Variants in RASGRF1 observed in about 807,000 individuals in gnomAD.
The protein encoded by RASGRF1 is ras-specific guanine nucleotide-releasing factor 1.
RASGRF1 carries 40 observed loss-of-function variants against 138.7 expected under a neutral mutation model. The ratio of observed to expected loss-of-function variants is 0.29; its 90% confidence interval spans 0.22 to 0.38. The LOEUF (loss-of-function observed/expected upper bound fraction) is 0.38, where lower values mean the gene tolerates loss of function less well. Ranked by LOEUF, RASGRF1 falls within the 10% of genes least tolerant of loss-of-function variation. The probability of loss-of-function intolerance (pLI) is 1.00; values close to 1 mark genes in which losing one functional copy is unlikely to be tolerated. For missense variants in RASGRF1, 1,108 were observed against 1,650.4 expected (o/e 0.67, Z 5.69); for synonymous variants, 614 against 663.2 (o/e 0.93, Z 1.14).
chr15:79,017,986 G>A (rs878907034), intron 11 of RASGRF1, 80 bp from the exon 12 acceptor site: 7 of 1,545,440 alleles, frequency 4.5e-6, no homozygotes, highest in East Asian at 2.3e-5. Context: ...GGTCCCTGTC[G>A]TACGTACCAG....
In RASGRF1 at chr15:79,090,587, T is replaced by A. The variant is rs2058043037; in HGVS notation, c.-89A>T. On this transcript the variant is annotated 5_prime_UTR_variant, in exon 1 of 27. Coordinates refer to ENST00000558480, the MANE Select transcript of RASGRF1 (RefSeq NM_001145648.3). ...GTGCGCGCTGCGCGCTGCCTCTCTC[T>A]GGCGCTCGCTCGCTCGCTCCCTCTA... 1 of 1,544,094 alleles carries A rather than the reference T, an allele frequency of 6.5e-7. No individual in the cohort carries two copies. Among genetic ancestry groups the A allele is most frequent in the Non-Finnish European group, 8.7e-7 (1 of 1,144,438 alleles).
chr15:79,001,743 G>A lies in RASGRF1; in HGVS notation c.2494C>T (p.Gln832Ter). Residue 832 changes from glutamine to a stop codon, truncating the protein, a stop_gained, in exon 16 of 27, where the codon CAG (glutamine) becomes TAG (stop). Coordinates refer to ENST00000558480, the MANE Select transcript of RASGRF1 (RefSeq NM_001145648.3). LOFTEE classifies it high-confidence loss of function. The part of the protein sequence containing the change: ...MREESDIDQN[Q>*]SDDGDTETSP... ...GTTTCAGTATCACCATCATCACTCT[G>A]GTTTTGATCAATATCTGACTCCTCT... 1.2e-6 allele frequency: 2 copies of A among 1,609,412 alleles called. No individual in the cohort carries two copies. The highest frequency in any genetic ancestry group is 1.7e-6 in the Non-Finnish European group (2 of 1,176,160).
In RASGRF1 at chr15:78,971,874, G is replaced by T; in HGVS notation, c.3673C>A (p.Gln1225Lys). ...GAAAAGGCACAGCTTACCTTTGCTT[G>T]GTGCTCTATTTTGTAGGCAGTTTGT... is the stretch of plus-strand genomic sequence containing the variant. The part of the protein sequence containing the change: ...FQQTAYKIEH[Q>K]AKVTQYLLDQ... Residue 1225 changes from glutamine to lysine, a missense_variant, in exon 26 of 27, where the codon CAA (glutamine) becomes AAA (lysine). By Grantham distance (53) the Gln-to-Lys change is moderately conservative. Transcript: ENST00000558480. The T allele has an allele frequency of 6.3e-7, 1 of 1,580,000 alleles. No individual in the cohort carries two copies. Among genetic ancestry groups the T allele is most frequent in the Non-Finnish European group, 8.7e-7 (1 of 1,148,960 alleles).
At chr15:79,077,860 A>G (rs1403291081) in intron 1 of RASGRF1, among the ~76,000 whole-genome samples, 1 of 133,744 alleles carries the variant, frequency 7.5e-6, no homozygotes, top group Non-Finnish European at 1.6e-5. Context: ...TTGGGAGTTC[A>G]GACCTGCTGC....
At chr15:79,055,396 G>A (rs1314626321) in intron 3 of RASGRF1, among the ~76,000 whole-genome samples, 1 of 152,142 alleles carries the variant, frequency 6.6e-6, no homozygotes, top group Non-Finnish European at 1.5e-5. Flanking sequence ...GGGACAGAGA[G>A]AGAAACAGAG....
At chr15:79,016,300 GC>G (rs1336176256) in intron 12 of RASGRF1, among the ~76,000 whole-genome samples, 1 of 152,212 alleles carries the variant, frequency 6.6e-6, no homozygotes, top group Non-Finnish European at 1.5e-5. Context: ...GAGCTCCCAG[GC>G]CCAGACTTCT....
At position 79,037,350 on chromosome 15, in the gene RASGRF1, A is replaced by G. The variant is rs145967855; in HGVS notation, c.879-2140T>C. Among the ~76,000 whole-genome samples, 260 of 152,168 alleles carry G rather than the reference A, an allele frequency of 1.7e-3. 1 individual carries two copies. Among genetic ancestry groups the G allele is most frequent in the African/African-American group, 6.1e-3 (255 of 41,498 alleles). On this transcript the variant is annotated intron_variant, in intron 5 of 26. Transcript: ENST00000558480. ...ACCAGGGACTGGTTTTGTCAAAGAC[A>G]ATCTTCTCACAGACGGATGGTGGGG...
rs545091771 is a variant in RASGRF1, at chr15:79,012,726, A to G, written c.1826+2601T>C. 2.0e-4 allele frequency among the ~76,000 whole-genome samples: 31 copies of G among 152,312 alleles called. 1 individual carries two copies. Among genetic ancestry groups the G allele is most frequent in the Admixed American group, 2.0e-3 (31 of 15,294 alleles). On this transcript the variant is annotated intron_variant, in intron 13 of 26. Transcript: ENST00000558480. ...GAGACAGAGTTTCACTCTGTCACCC[A>G]GGCTGGAGTGCAGTGGTGAGGTCTC...
rs2057786281 is a variant in RASGRF1 at position 79,073,271 on chromosome 15, G to A, written c.277-8745C>T. Among the ~76,000 whole-genome samples, 1 of 152,106 alleles carries A rather than the reference G, an allele frequency of 6.6e-6. No individual in the cohort carries two copies. On this transcript the variant is annotated intron_variant, in intron 1 of 26. Transcript: ENST00000558480. This position sits in a 1 kb window ranked among gnomAD's most constrained non-coding sequence, Gnocchi z 4.2. ...AGACTGCCCAGATCCCAGAAGGGGA[G>A]TCATGATGCCTGATAAGCCCATGGC...
At chr15:78,976,134 T>A (rs147513266) in intron 24 of RASGRF1, among the ~76,000 whole-genome samples, 1 of 151,772 alleles carries the variant, frequency 6.6e-6, no homozygotes, top group Non-Finnish European at 1.5e-5. Flanking sequence ...GTGAAAAGGA[T>A]CAGAGGTCCT....
chr15:79,010,067 C>T (rs188202637), intron 13 of RASGRF1, among the ~76,000 whole-genome samples: 2 of 149,190 alleles, frequency 1.3e-5, no homozygotes, highest in African/African-American at 2.5e-5. Context: ...CAGAGTCTCA[C>T]CCACTCTGTC....
chr15:79,063,600 G>A (rs2057637494), intron 2 of RASGRF1, among the ~76,000 whole-genome samples: 1 of 152,156 alleles, frequency 6.6e-6, no homozygotes, highest in Non-Finnish European at 1.5e-5. Context: ...CTCTGTCTAT[G>A]CCTTTATCAG....
In RASGRF1 at chr15:79,032,146, A is replaced by G. The variant is rs2057149008; in HGVS notation, c.1129T>C (p.Phe377Leu). The G allele has an allele frequency of 1.2e-6, 2 of 1,613,790 alleles. No individual in the cohort carries two copies. Among genetic ancestry groups the G allele is most frequent in the Non-Finnish European group, 1.7e-6 (2 of 1,179,896 alleles). ...ACCTGGAACATGGGGTAGGTGAGGA[A>G]GGTCTCCAGCGTCCTCTCCTCGCAG... ...PDCEERTLET[F>L]LTYPMFQIPR... The change falls in exon 7 of 27, where the codon TTC becomes CTC. Residue 377 changes from phenylalanine (F) to leucine (L), a missense_variant. This residue lies in a region of RASGRF1 where 169 missense variants were observed against 344.2 expected (regional missense o/e 0.49). Transcript: ENST00000558480. This position sits in a 1 kb window ranked among gnomAD's most constrained non-coding sequence, Gnocchi z 4.5.
chr15:78,972,054 G>T, intron 25 of RASGRF1, 120 bp from the exon 26 acceptor site: 1 of 878,232 alleles, frequency 1.1e-6, no homozygotes, highest in Non-Finnish European at 2.0e-6. Context: ...TTCCATACAT[G>T]TTGCCTCCTG....
At chr15:78,965,576 C>T (rs768441073) in intron 26 of RASGRF1, among the ~76,000 whole-genome samples, 1 of 152,194 alleles carries the variant, frequency 6.6e-6, no homozygotes, top group Non-Finnish European at 1.5e-5. Flanking sequence ...ACCAGCCAGG[C>T]GCAGTGGCTT....
chr15:79,086,241 T>G (rs570689179), intron 1 of RASGRF1, among the ~76,000 whole-genome samples: 1 of 152,336 alleles, frequency 6.6e-6, no homozygotes, highest in East Asian at 1.9e-4. Context: ...TAGAGCAACC[T>G]TATTTTTCTA....
chr15:79,055,663 T>C (rs1033780096), intron 3 of RASGRF1, among the ~76,000 whole-genome samples: 1 of 152,150 alleles, frequency 6.6e-6, no homozygotes, highest in Middle Eastern at 3.4e-3. Context: ...CCTTTGCACC[T>C]ACACCCCTTC....
rs1263816252 is a variant in RASGRF1, at chr15:79,019,910, T to C, written c.1606+131A>G. The C allele has an allele frequency of 1.8e-5, 19 of 1,055,440 alleles. No homozygotes were observed. In the East Asian group the frequency reaches 4.6e-4, roughly 25 times the overall value. The allele number at this position is 1,055,440 out of a possible 1,614,324, so 65.4% of individuals were successfully genotyped here. ...CAGGGTGTGTGCATGAGGGCATGTGTGGACCTCCCCTCCGCACTTCAGCAT... is the reference window on the plus strand; with the variant it reads ...CAGGGTGTGTGCATGAGGGCATGTGCGGACCTCCCCTCCGCACTTCAGCAT... On this transcript the variant is annotated intron_variant, in intron 11 of 26. Transcript: ENST00000558480.
In RASGRF1 at chr15:79,064,844, A is replaced by G. The variant is rs1471350446; in HGVS notation, c.277-318T>C. On this transcript the variant is annotated intron_variant, in intron 1 of 26. Transcript: ENST00000558480. ...GCGCTGGAGGGAAGGCAGGGAAAGC[A>G]CATCATTAGAACATCCTTTTGGGAA... Among the ~76,000 whole-genome samples the G allele has an allele frequency of 2.6e-5, 4 of 152,262 alleles. No homozygotes were observed. The East Asian group carries it at 7.7e-4, about 29-fold the overall frequency.
Sources: allele counts gnomAD v4.1 joint callset (sites outside exome capture counted in the v4.1 genomes callset), GRCh38; gene constraint gnomAD v4.1.1; regional missense constraint gnomAD v4.1.1; non-coding constraint Gnocchi (gnomAD v3.1); transcripts MANE v1.5; gene names NCBI Gene and HGNC (gene_info 2026-07-23, HGNC 2026-07-21).